The following CNTNAP2 variants were observed in gnomAD, a reference collection of about 807,000 sequenced individuals.
The protein encoded by CNTNAP2 is contactin-associated protein-like 2.
Under a neutral mutation model 155.2 loss-of-function variants are expected in CNTNAP2, and 98 were observed. That is an observed-to-expected ratio of 0.63 (90% CI 0.54 to 0.75). The LOEUF (loss-of-function observed/expected upper bound fraction) is 0.75. CNTNAP2 is among the 30% of genes least tolerant of loss of function. The pLI is 0.00. For missense variants in CNTNAP2, 1,727 were observed against 1,688.1 expected, an observed-to-expected ratio of 1.02 and a Z score of -0.40; for synonymous variants, 651 against 631.2, an observed-to-expected ratio of 1.03 and a Z score of -0.47.
chr7:148,026,547 A>T (rs9640250), intron 15 of CNTNAP2, among the ~76,000 whole-genome samples: 37,826 of 152,128 alleles, frequency 0.25, 5,533 homozygotes, highest in East Asian at 0.48. Context: ...GAGTATTATA[A>T]TGAGCACTGA....
intron 15 of CNTNAP2, among the ~76,000 whole-genome samples, chr7:148,066,664 ATT>A (rs1293774479): frequency 2.0e-5 from 3 of 151,078 alleles, no homozygotes. Context: ...CACCCAGCTA[ATT>A]TTTTTGTATT....
intron 17 of CNTNAP2, among the ~76,000 whole-genome samples, chr7:148,160,350 G>A (rs542347766): frequency 3.3e-5 from 5 of 151,724 alleles, no homozygotes; most frequent in African/African-American, 1.2e-4. Flanking sequence ...GGTCATAGCT[G>A]CAGTGAGCCG....
In CNTNAP2 at chr7:146,685,158, T is replaced by C. The variant is rs147921965; in HGVS notation, c.98-89113T>C. 6.6e-5 allele frequency among the ~76,000 whole-genome samples: 10 copies of C among 152,260 alleles called. No individual in the cohort carries two copies. The East Asian group carries it at 1.5e-3, about 24-fold the overall frequency. On this transcript the variant is annotated intron_variant, in intron 1 of 23. Coordinates refer to ENST00000361727, the MANE Select transcript of CNTNAP2 (RefSeq NM_014141.6). ...CACATCTAGATAGTGGAGGAGTGAA[T>C]TTTGAAACCCAAACGAGTTGACATA...
chr7:146,582,243 C>T (rs1179849639), intron 1 of CNTNAP2, among the ~76,000 whole-genome samples: 2 of 152,096 alleles, frequency 1.3e-5, no homozygotes, highest in East Asian at 3.9e-4. Context: ...TATATTTTCA[C>T]ATCTGTTTTT....
chr7:147,210,473 ATCT>A (rs113433311), intron 8 of CNTNAP2, among the ~76,000 whole-genome samples: 7,281 of 151,876 alleles, frequency 0.048, 287 homozygotes, highest in African/African-American at 0.099. Flanking sequence ...GCTTATTTAA[ATCT>A]TCTCTCAGAT....
chr7:146,710,925 T>C (rs2129175033), intron 1 of CNTNAP2, among the ~76,000 whole-genome samples: 1 of 152,112 alleles, frequency 6.6e-6, no homozygotes, highest in African/African-American at 2.4e-5. Context: ...AGCTGGCCCA[T>C]TGCAAAGCAA....
intron 12 of CNTNAP2, among the ~76,000 whole-genome samples, chr7:147,605,220 A>G (rs780547084): frequency 7.9e-5 from 12 of 152,108 alleles, no homozygotes; most frequent in East Asian, 1.9e-4. Context: ...CCTTCCTTCT[A>G]TAGGGATGAA....
intron 13 of CNTNAP2, among the ~76,000 whole-genome samples, chr7:147,711,118 T>C (rs1202326361): frequency 1.3e-5 from 2 of 152,216 alleles, no homozygotes; most frequent in African/African-American, 2.4e-5. Flanking sequence ...CTGTGAATGT[T>C]GATCTTGGTA....
chr7:148,267,225 G>A (rs761982113), intron 21 of CNTNAP2, 99 bp downstream of exon 21: 15 of 1,026,798 alleles, frequency 1.5e-5, no homozygotes, highest in Non-Finnish European at 2.3e-5. Flanking sequence ...CTCTTACTGG[G>A]GCCAGTCACG....
intron 20 of CNTNAP2, among the ~76,000 whole-genome samples, chr7:148,258,503 GC>G (rs1039370996): frequency 2.6e-5 from 4 of 152,146 alleles, no homozygotes; most frequent in Admixed American, 2.6e-4. Context: ...ATGGCCCTAG[GC>G]TTGTGTATAC....
intron 3 of CNTNAP2, among the ~76,000 whole-genome samples, chr7:146,994,638 G>C (rs1798273832): frequency 6.6e-6 from 1 of 152,150 alleles, no homozygotes; most frequent in African/African-American, 2.4e-5. Context: ...TCCCAAGAAT[G>C]TAACTAGTGA....
chr7:146,917,544 T>G (rs975016190), intron 3 of CNTNAP2, among the ~76,000 whole-genome samples: 5 of 152,120 alleles, frequency 3.3e-5, no homozygotes, highest in African/African-American at 1.2e-4. Context: ...CACTAGTGCT[T>G]TTATCATGAT....
intron 9 of CNTNAP2, among the ~76,000 whole-genome samples, chr7:147,332,849 G>A (rs1486860404): frequency 1.3e-5 from 2 of 152,106 alleles, no homozygotes; most frequent in Non-Finnish European, 1.5e-5. Flanking sequence ...ATGACAGAAT[G>A]AGACTCCACC....
intron 13 of CNTNAP2, among the ~76,000 whole-genome samples, chr7:147,769,468 G>T (rs759560446): frequency 1.3e-5 from 2 of 152,102 alleles, no homozygotes; most frequent in Non-Finnish European, 2.9e-5. Flanking sequence ...CTATAGTGAA[G>T]TGTCTGATTA....
intron 4 of CNTNAP2, chr7:147,080,904 A>T (rs1800111680): frequency 6.6e-6 from 1 of 151,906 alleles, no homozygotes; most frequent in African/African-American, 2.4e-5. Flanking sequence ...GATTGAACTG[A>T]TATGAATGAA....
chr7:147,350,284 G>T, intron 9 of CNTNAP2, among the ~76,000 whole-genome samples: 1 of 151,830 alleles, frequency 6.6e-6, no homozygotes, highest in East Asian at 1.9e-4. Context: ...AATAACACAA[G>T]ATTTAGAAAT....
At chr7:146,819,454 C>A (rs1423208409) in intron 2 of CNTNAP2, among the ~76,000 whole-genome samples, 1 of 152,154 alleles carries the variant, frequency 6.6e-6, no homozygotes, top group Non-Finnish European at 1.5e-5. Context: ...CACACTCTCA[C>A]AGTTTTCTTT....
intron 13 of CNTNAP2, among the ~76,000 whole-genome samples, chr7:147,735,405 G>T (rs1174243349): frequency 1.3e-5 from 2 of 152,102 alleles, no homozygotes; most frequent in African/African-American, 2.4e-5. Context: ...TATAATTTCT[G>T]TTCTTTTACA....
chr7:147,333,533 C>G (rs7457556), intron 9 of CNTNAP2, among the ~76,000 whole-genome samples: 17,477 of 152,110 alleles, frequency 0.11, 1,443 homozygotes, highest in Non-Finnish European at 0.18. Flanking sequence ...AGAACCAAAC[C>G]ACTATTGAAG....
Sources: gnomAD v4.1 joint callset for allele counts (sites outside exome capture counted in the v4.1 genomes callset) on GRCh38, gnomAD v4.1.1 for gene constraint, MANE v1.5 for transcripts, NCBI Gene and HGNC (gene_info 2026-07-23, HGNC 2026-07-21) for gene names.